RSF1: variants seen among roughly 807,000 people sequenced by gnomAD.
RSF1 encodes the protein HBV pX-associated protein 8.
RSF1 carries 13 observed loss-of-function variants against 145.2 expected under a neutral mutation model. That is an observed-to-expected ratio of 0.09 (90% confidence interval 0.06 to 0.14). The LOEUF (loss-of-function observed/expected upper bound fraction) is 0.14. Ranked by LOEUF, RSF1 falls within the 10% of genes least tolerant of loss-of-function variation. The pLI, the probability that RSF1 is intolerant of heterozygous loss-of-function variation, is 1.00. For missense variants in RSF1, 1,517 were observed against 1,718.2 expected (o/e 0.88, Z 2.07); for synonymous variants, 577 against 592.6 (o/e 0.97, Z 0.38).
At chr11:77,813,740 GC>G in intron 1 of RSF1, 1 of 334,330 alleles carries the variant, frequency 3.0e-6, no homozygotes, top group Non-Finnish European at 5.9e-6. Flanking sequence ...TGAGTAAGGA[GC>G]AGGAGCCTGC....
chr11:77,704,753 G>GTTTTTTTT (rs72141127), intron 5 of RSF1, among the ~76,000 whole-genome samples: 2 of 134,520 alleles, frequency 1.5e-5, no homozygotes, highest in African/African-American at 2.7e-5. Context: ...GTTTGCCTTG[G>GTTTTTTTT]TTTTTTTTTT....
intron 5 of RSF1, among the ~76,000 whole-genome samples, chr11:77,709,140 G>C (rs1273989390): frequency 6.6e-6 from 1 of 152,048 alleles, no homozygotes; most frequent in Non-Finnish European, 1.5e-5. Flanking sequence ...TTTTTCTCTG[G>C]TATTTGCATG....
intron 1 of RSF1, among the ~76,000 whole-genome samples, chr11:77,771,814 A>C (rs1948288405): frequency 6.6e-6 from 1 of 152,222 alleles, no homozygotes; most frequent in African/African-American, 2.4e-5. Flanking sequence ...TGTGAGGAAC[A>C]AATTGGAGAG....
chr11:77,696,440 T>C (rs1329307574), intron 7 of RSF1, among the ~76,000 whole-genome samples: 1 of 152,218 alleles, frequency 6.6e-6, no homozygotes, highest in Non-Finnish European at 1.5e-5. Context: ...ATTTAACATA[T>C]AATAGCTGCT....
chr11:77,741,784 T>C (rs1304987229), intron 3 of RSF1, among the ~76,000 whole-genome samples: 1 of 152,152 alleles, frequency 6.6e-6, no homozygotes, highest in Non-Finnish European at 1.5e-5. Context: ...GTTATACAAC[T>C]GATCTCCTGA....
the RSF1 span, among the ~76,000 whole-genome samples, chr11:77,849,007 G>A: frequency 6.6e-6 from 1 of 150,472 alleles, no homozygotes; most frequent in Non-Finnish European, 1.5e-5. Context: ...TGGTCAGGCT[G>A]GTCTCAAACT....
chr11:77,778,855 A>G (rs773720073), intron 1 of RSF1, among the ~76,000 whole-genome samples: 36 of 152,138 alleles, frequency 2.4e-4, no homozygotes, highest in South Asian at 4.1e-4. Context: ...TTTCTGGTCT[A>G]TCCCTGAAAG....
the RSF1 span, among the ~76,000 whole-genome samples, chr11:77,832,267 A>G: frequency 2.4e-4 from 36 of 152,272 alleles, no homozygotes; most frequent in East Asian, 5.4e-3. Flanking sequence ...GTTGATTCTC[A>G]TATATAAATT....
At chr11:77,826,023 A>G in the RSF1 span, among the ~76,000 whole-genome samples, 4 of 152,102 alleles carry the variant, frequency 2.6e-5, no homozygotes, top group South Asian at 2.1e-4. Context: ...GCATGAGTCT[A>G]TTCTCTGACA....
the RSF1 span, among the ~76,000 whole-genome samples, chr11:77,826,335 C>T: frequency 6.6e-6 from 1 of 151,036 alleles, no homozygotes; most frequent in African/African-American, 2.4e-5. Flanking sequence ...GCACTCTGGC[C>T]TGGGTGACAG....
chr11:77,674,571 T>C (rs1959640674), intron 14 of RSF1, among the ~76,000 whole-genome samples: 3 of 152,242 alleles, frequency 2.0e-5, no homozygotes, highest in Admixed American at 2.0e-4. Context: ...ATCACAATCC[T>C]ACTAGGCATC....
Position 77,729,891 on chromosome 11 carries a change from T to C in RSF1, c.579-4192A>G, listed in dbSNP as rs1384042801. Among the ~76,000 whole-genome samples the C allele has an allele frequency of 4.5e-4, 9 of 20,144 alleles. No homozygotes were observed. The East Asian group carries it at 0.014, about 31-fold the overall frequency. 13.2% of individuals were successfully genotyped at this position (20,144 alleles called of 152,430 possible). On this transcript the variant is annotated intron_variant, in intron 4 of 15. Coordinates refer to ENST00000308488, the MANE Select transcript of RSF1 (RefSeq NM_016578.4). ...TTGGTATAAATGCCAAATTATTCAG[T>C]AGGCAAAAAAAAAAAAAAAAAAAAA...
chr11:77,686,689 A>G (rs1211231677), intron 9 of RSF1, among the ~76,000 whole-genome samples: 1 of 152,122 alleles, frequency 6.6e-6, no homozygotes, highest in East Asian at 1.9e-4. Context: ...GTATGTTTAA[A>G]AATCATTCAG....
rs1959236998 is a variant in RSF1 at position 77,661,747 on chromosome 11, C to T, written c.*5170G>A. 1.3e-5 allele frequency: 2 copies of T among 149,628 alleles called. 1 individual carries two copies. The highest frequency in any genetic ancestry group is 1.3e-4 in the Admixed American group (2 of 14,844). The allele number at this position is 149,628 out of a possible 1,614,324, so 9.3% of individuals were successfully genotyped here. ...TTATTTTTTTTAAAAAAAGGTGACT[C>T]TCAAGCAAAATAAACTTTTTTTTTT... On this transcript the variant is annotated 3_prime_UTR_variant, in exon 16 of 16. Transcript: ENST00000308488.
Position 77,714,283 on chromosome 11 carries a change from T to C in RSF1, c.733+11262A>G, listed in dbSNP as rs970280751. ...TACCTGAGAATCTTTAAGACCTTTG[T>C]TGTAGATTTTGTCTATACGTTTTTG... On this transcript the variant is annotated intron_variant, in intron 5 of 15. Coordinates refer to ENST00000308488, the MANE Select transcript of RSF1 (RefSeq NM_016578.4). Among the ~76,000 whole-genome samples the C allele has an allele frequency of 3.9e-5, 6 of 152,208 alleles. 1 individual carries two copies. The highest frequency in any genetic ancestry group is 8.8e-5 in the Non-Finnish European group (6 of 68,044).
chr11:77,663,447 ATTTG>A lies in RSF1; in HGVS notation c.*3466_*3469del, dbSNP rs1657968328. The A allele has an allele frequency of 6.6e-6, 1 of 152,136 alleles. No individual in the cohort carries two copies. The highest frequency in any genetic ancestry group is 2.4e-5 in the African/African-American group (1 of 41,438). 9.4% of individuals were successfully genotyped at this position (152,136 alleles called of 1,614,324 possible). ...TACGTGTAACACCCTTTTAAAATTA[ATTTG>A]TTTAAAAATTATTTTTCAAAAGCTT... On this transcript the variant is annotated 3_prime_UTR_variant, in exon 16 of 16. Coordinates refer to ENST00000308488, the MANE Select transcript of RSF1 (RefSeq NM_016578.4).
At chr11:77,869,829 T>A in the RSF1 span, 1 of 1,610,594 alleles carries the variant, frequency 6.2e-7, no homozygotes, top group Non-Finnish European at 8.5e-7. Context: ...TAGGTGTTGG[T>A]ATGCACAGCA....
chr11:77,814,515 G>C (rs1383377501), intron 1 of RSF1, among the ~76,000 whole-genome samples: 1 of 152,046 alleles, frequency 6.6e-6, no homozygotes, highest in Non-Finnish European at 1.5e-5. Context: ...GCACCATCTT[G>C]GCTCACTGCA....
At chr11:77,693,482 G>A in intron 8 of RSF1, 25 bp downstream of exon 8, 1 of 1,463,822 alleles carries the variant, frequency 6.8e-7, no homozygotes, top group Non-Finnish European at 9.6e-7. Flanking sequence ...TCAAAGACTA[G>A]AAAAACAAGT....
Sources: allele counts gnomAD v4.1 joint callset (sites outside exome capture counted in the v4.1 genomes callset), GRCh38; gene constraint gnomAD v4.1.1; transcripts MANE v1.5; gene names NCBI Gene and HGNC (gene_info 2026-07-23, HGNC 2026-07-21).